Variants in PPP2CA observed in about 807,000 individuals in gnomAD.
PPP2CA encodes serine/threonine-protein phosphatase 2A catalytic subunit alpha isoform.
In PPP2CA, 5 loss-of-function variants were observed where a neutral mutation model predicts 38.8. The observed-to-expected ratio is 0.13, with a 90% CI of 0.07 to 0.27. PPP2CA has a LOEUF of 0.27. Among genes scored for constraint, PPP2CA ranks in the 10% least tolerant of loss-of-function variants. PPP2CA has a pLI of 1.00. For synonymous variants in PPP2CA, 152 were observed against 134.0 expected, an observed-to-expected ratio of 1.13 and a Z score of -0.93; for missense variants, 88 against 389.7, an observed-to-expected ratio of 0.23 and a Z score of 6.52.
At position 134,208,544 on chromosome 5, in the gene PPP2CA, T is replaced by TG. The variant is rs549492366; in HGVS notation, c.103-2414dup. Among the ~76,000 whole-genome samples the TG allele has an allele frequency of 5.8e-4, 34 of 58,664 alleles. No homozygotes were observed. The South Asian group carries it at 0.011, about 18-fold the overall frequency. 38.5% of individuals were successfully genotyped at this position (58,664 alleles called of 152,430 possible). A position where few individuals can be genotyped will look rare whatever the true frequency, so the allele number is the denominator to read the frequency against. On this transcript the variant is annotated intron_variant, in intron 1 of 6. Transcript: ENST00000481195. The stretch of plus-strand genomic sequence containing the variant: ...TACCAATAAAATTTTGATGTACAGA[T>TG]GCTCCTCAATTTGTAACACAGCTGC...
chr5:134,212,846 C>T (rs60321732), intron 1 of PPP2CA, among the ~76,000 whole-genome samples: 1,600 of 152,280 alleles, frequency 0.011, 28 homozygotes, highest in African/African-American at 0.035. Flanking sequence ...CCACAACATT[C>T]GCTTAAAAGC....
intron 1 of PPP2CA, among the ~76,000 whole-genome samples, chr5:134,214,382 C>T (rs141664678): frequency 4.6e-4 from 70 of 152,266 alleles, no homozygotes; most frequent in African/African-American, 1.6e-3. Flanking sequence ...TAGACCTATA[C>T]GTGTACAGTA....
At chr5:134,207,119 C>A (rs1169261687) in intron 1 of PPP2CA, among the ~76,000 whole-genome samples, 1 of 152,134 alleles carries the variant, frequency 6.6e-6, no homozygotes, top group Non-Finnish European at 1.5e-5. Context: ...AATCCCAATG[C>A]CCAGCCAGGC....
chr5:134,225,718 C>T (rs1418383711), intron 1 of PPP2CA, 42 bp downstream of exon 1: 2 of 1,569,396 alleles, frequency 1.3e-6, no homozygotes, highest in Admixed American at 1.7e-5. Context: ...CCTCGGCGGG[C>T]TCGGCCCCGC....
intron 1 of PPP2CA, among the ~76,000 whole-genome samples, chr5:134,222,705 T>C (rs1192867955): frequency 6.6e-6 from 1 of 152,234 alleles, no homozygotes; most frequent in African/African-American, 2.4e-5. Flanking sequence ...TTTCAATCTG[T>C]AGATTGAAAC....
Position 134,199,255 on chromosome 5 carries a change from A to C in PPP2CA, c.739-51T>G, listed in dbSNP as rs372742539. ...TTACTTTACTCCCTCAATTCAACTA[A>C]ATGTTACTTCACTCAAGAGAGAAAA... is the stretch of plus-strand genomic sequence containing the variant. On this transcript the variant is annotated intron_variant, in intron 5 of 6. Transcript: ENST00000481195. 2.5e-4 allele frequency: 331 copies of C among 1,343,196 alleles called. 1 individual carries two copies. Among genetic ancestry groups the C allele is most frequent in the Admixed American group, 1.2e-3 (69 of 58,480 alleles). The allele number at this position is 1,343,196 out of a possible 1,614,324, so 83.2% of individuals were successfully genotyped here.
intron 2 of PPP2CA, among the ~76,000 whole-genome samples, chr5:134,205,441 G>A (rs1762061605): frequency 1.3e-5 from 2 of 150,730 alleles, no homozygotes; most frequent in South Asian, 4.2e-4. Context: ...GCGTGTAGTG[G>A]CGCAATCTCA....
At chr5:134,219,527 C>T (rs1239239713) in intron 1 of PPP2CA, among the ~76,000 whole-genome samples, 2 of 152,162 alleles carry the variant, frequency 1.3e-5, no homozygotes, top group Non-Finnish European at 2.9e-5. Context: ...TCTGTAGTAG[C>T]AACTAAATGA....
At chr5:134,224,507 A>G (rs1220482275) in intron 1 of PPP2CA, 3 of 344,924 alleles carry the variant, frequency 8.7e-6, no homozygotes, top group Admixed American at 4.4e-5. Context: ...ACAAATCAGG[A>G]TAATAGTTCT....
chr5:134,213,733 T>C (rs1230113265), intron 1 of PPP2CA, among the ~76,000 whole-genome samples: 1 of 151,340 alleles, frequency 6.6e-6, no homozygotes, highest in Admixed American at 6.6e-5. Flanking sequence ...CAGTGAACTA[T>C]GATGATGTCA....
intron 2 of PPP2CA, among the ~76,000 whole-genome samples, chr5:134,204,641 T>G (rs537594568): frequency 1.2e-4 from 19 of 152,082 alleles, no homozygotes; most frequent in African/African-American, 4.3e-4. Flanking sequence ...TTTTAACTTT[T>G]TGTAGAGATG....
Position 134,205,954 on chromosome 5 carries a change from C to G in PPP2CA, c.280G>C (p.Val94Leu). Residue 94 changes from valine to leucine, a missense_variant, in exon 2 of 7, where the codon GTT becomes CTT. Around this residue, in one of 4 missense-constraint regions of PPP2CA, gnomAD observed 12 missense variants for 20.6 expected, o/e 0.58. Transcript: ENST00000481195. Reference protein sequence around the residue: ...GDYVDRGYYSVETVTLLVALK... With the variant: ...GDYVDRGYYSLETVTLLVALK... ...GCTACAAGCAGTGTAACTGTTTCAA[C>G]TGAATAATATCCTCTGTCAACATAA... is the stretch of plus-strand genomic sequence containing the variant. The G allele has an allele frequency of 6.2e-7, 1 of 1,614,078 alleles. No individual in the cohort carries two copies. The highest frequency in any genetic ancestry group is 8.5e-7 in the Non-Finnish European group (1 of 1,179,960).
At position 134,225,910 on chromosome 5, in the gene PPP2CA, C is replaced by T. The variant is rs374259492; in HGVS notation, c.-49G>A. ...GCCGCTCCGCGCTGCTCCCGCGCCGCCGCCCGCACACGGGCCTACACGCAC... is the reference window on the plus strand; with the variant it reads ...GCCGCTCCGCGCTGCTCCCGCGCCGTCGCCCGCACACGGGCCTACACGCAC... On this transcript the variant is annotated 5_prime_UTR_variant, in exon 1 of 7. Transcript: ENST00000481195. The T allele has an allele frequency of 1.9e-6, 3 of 1,559,946 alleles. No individual in the cohort carries two copies. Among genetic ancestry groups the T allele is most frequent in the Non-Finnish European group, 2.6e-6 (3 of 1,145,332 alleles).
chr5:134,224,393 T>C, intron 1 of PPP2CA: 2 of 415,202 alleles, frequency 4.8e-6, no homozygotes, highest in Non-Finnish European at 4.7e-6. Flanking sequence ...AATCTAAATC[T>C]GACTTACTTA....
At position 134,200,065 on chromosome 5, in the gene PPP2CA, C is replaced by T. The variant is rs533524044; in HGVS notation, c.738+270G>A. The stretch of plus-strand genomic sequence containing the variant: ...AATATCATACATGCACACCAACTCC[C>T]TATATCTTACTTTCCCACTCTTAAA... On this transcript the variant is annotated intron_variant, in intron 5 of 6. Coordinates refer to ENST00000481195, the MANE Select transcript of PPP2CA (RefSeq NM_002715.4). Among the ~76,000 whole-genome samples, 3 of 152,272 alleles carry T rather than the reference C, an allele frequency of 2.0e-5. No homozygotes were observed. The South Asian group carries it at 6.2e-4, about 32-fold the overall frequency.
chr5:134,205,540 C>G (rs1387546143), intron 2 of PPP2CA: 2 of 97,462 alleles, frequency 2.1e-5, no homozygotes, highest in African/African-American at 1.1e-4. Flanking sequence ...CGCCACCACC[C>G]CCGGCTAGTT....
rs763577320 is a variant in PPP2CA at position 134,200,328 on chromosome 5, A to G, written c.738+7T>C. 1 of 1,608,626 alleles carries G rather than the reference A, an allele frequency of 6.2e-7. No individual in the cohort carries two copies. Among genetic ancestry groups the G allele is most frequent in the Non-Finnish European group, 8.5e-7 (1 of 1,177,816 alleles). ...AAACAAGTCATATTTCAGAGAACAC[A>G]GCATACCTCCATCACTAGCTGGTGA... is the stretch of plus-strand genomic sequence containing the variant. On this transcript the variant is annotated splice_region_variant and intron_variant, in intron 5 of 6. Coordinates refer to ENST00000481195, the MANE Select transcript of PPP2CA (RefSeq NM_002715.4).
intron 1 of PPP2CA, chr5:134,224,352 G>A (rs1158011309): frequency 2.2e-6 from 1 of 449,782 alleles, no homozygotes; most frequent in Non-Finnish European, 4.4e-6. Context: ...TCATCCACTA[G>A]TAGTAGTTTT....
At chr5:134,221,552 C>A (rs952841166) in intron 1 of PPP2CA, among the ~76,000 whole-genome samples, 16 of 152,152 alleles carry the variant, frequency 1.1e-4, no homozygotes, top group Non-Finnish European at 2.4e-4. Context: ...TTCATCTCAC[C>A]AATCTCATTT....
Sources: allele counts gnomAD v4.1 joint callset (sites outside exome capture counted in the v4.1 genomes callset), GRCh38; gene constraint gnomAD v4.1.1; regional missense constraint gnomAD v4.1.1; transcripts MANE v1.5; gene names NCBI Gene and HGNC (gene_info 2026-07-23, HGNC 2026-07-21).